Variants in SLC35F4 observed in about 807,000 individuals in gnomAD.
SLC35F4 encodes chromosome 14 open reading frame 36.
Under a neutral mutation model 44.2 loss-of-function variants are expected in SLC35F4, and 24 were observed. The ratio of observed to expected loss-of-function variants is 0.54; its 90% CI spans 0.39 to 0.76. The LOEUF (loss-of-function observed/expected upper bound fraction) is 0.76, where lower values mean the gene tolerates loss of function less well. Among genes scored for constraint, SLC35F4 ranks in the 30% least tolerant of loss-of-function variants. The pLI is 0.00. For missense variants in SLC35F4, 562 were observed against 586.1 expected (o/e 0.96, Z 0.42); for synonymous variants, 238 against 223.6 (o/e 1.06, Z -0.57).
chr14:57,944,907 T>C (rs1889995114), intron 1 of SLC35F4, among the ~76,000 whole-genome samples: 2 of 152,326 alleles, frequency 1.3e-5, no homozygotes, highest in South Asian at 4.1e-4. Context: ...GCACAAAGGC[T>C]GTACAACCTT....
At chr14:57,873,994 A>C (rs1888345526) in intron 1 of SLC35F4, among the ~76,000 whole-genome samples, 2 of 152,230 alleles carry the variant, frequency 1.3e-5, no homozygotes, top group Admixed American at 1.3e-4. Context: ...GTTTTGTAAA[A>C]TCTCAAAGTA....
chr14:57,805,782 T>C (rs529679901), intron 1 of SLC35F4, among the ~76,000 whole-genome samples: 8 of 152,278 alleles, frequency 5.3e-5, no homozygotes, highest in Admixed American at 2.0e-4. Flanking sequence ...AACTTGAAAG[T>C]TGAAGAAAAC....
chr14:57,746,998 G>T (rs1035227988), intron 1 of SLC35F4, among the ~76,000 whole-genome samples: 9 of 152,118 alleles, frequency 5.9e-5, no homozygotes, highest in Non-Finnish European at 1.0e-4. Flanking sequence ...AAGCACAGAA[G>T]TTTTTGAGAT....
chr14:57,665,875 G>A (rs868710248), intron 1 of SLC35F4, among the ~76,000 whole-genome samples: 13 of 152,132 alleles, frequency 8.5e-5, no homozygotes, highest in African/African-American at 3.1e-4. Context: ...AATTAGCACA[G>A]GAACAGAAAA....
At chr14:57,727,314 A>T (rs1092026) in intron 1 of SLC35F4, among the ~76,000 whole-genome samples, 140,897 of 151,924 alleles carry the variant, frequency 0.93, 65,805 homozygotes, top group Non-Finnish European at 1. Flanking sequence ...TTTTTGTTAG[A>T]CTGGCTAAAG....
At chr14:57,575,363 AC>A (rs879345047) in intron 4 of SLC35F4, among the ~76,000 whole-genome samples, 17 of 152,092 alleles carry the variant, frequency 1.1e-4, no homozygotes, top group Admixed American at 1.1e-3. Flanking sequence ...TGCCTGTAAT[AC>A]CGGCTACTCG....
chr14:57,568,437 ATAATC>A (rs138242682), intron 6 of SLC35F4, among the ~76,000 whole-genome samples: 7,420 of 152,252 alleles, frequency 0.049, 498 homozygotes, highest in African/African-American at 0.16. Flanking sequence ...TGGCCAGAAA[ATAATC>A]TAGGTGCTTT....
At chr14:57,754,054 T>C (rs1014224188) in intron 1 of SLC35F4, among the ~76,000 whole-genome samples, 2 of 149,726 alleles carry the variant, frequency 1.3e-5, no homozygotes, top group Admixed American at 6.7e-5. Context: ...CCTCTAAACA[T>C]CCTCTACACA....
intron 1 of SLC35F4, among the ~76,000 whole-genome samples, chr14:57,711,533 C>T (rs1825646738): frequency 1.3e-5 from 2 of 152,158 alleles, no homozygotes; most frequent in Non-Finnish European, 2.9e-5. Context: ...TTTAATTTGG[C>T]CCAACCTAAT....
At chr14:57,893,867 G>T (rs945053678) in intron 1 of SLC35F4, among the ~76,000 whole-genome samples, 2 of 151,192 alleles carry the variant, frequency 1.3e-5, no homozygotes, top group Non-Finnish European at 3.0e-5. Flanking sequence ...TTCAGTTTAA[G>T]TATATCACAA....
At chr14:57,632,353 C>T (rs2072820612) in intron 1 of SLC35F4, among the ~76,000 whole-genome samples, 1 of 151,244 alleles carries the variant, frequency 6.6e-6, no homozygotes, top group African/African-American at 2.4e-5. Flanking sequence ...ATCAAGCAAA[C>T]ATGTTATAAT....
chr14:57,695,259 G>T (rs1481737919), intron 1 of SLC35F4, among the ~76,000 whole-genome samples: 1 of 152,046 alleles, frequency 6.6e-6, no homozygotes, highest in East Asian at 1.9e-4. Flanking sequence ...GAAAATTTTT[G>T]CAACCTACTC....
intron 1 of SLC35F4, among the ~76,000 whole-genome samples, chr14:57,793,913 T>C (rs117069353): frequency 2.0e-5 from 3 of 152,156 alleles, no homozygotes; most frequent in Non-Finnish European, 2.9e-5. Context: ...AGCCAAATAC[T>C]TACAACTAAC....
At chr14:57,574,317 T>G (rs2068668175) in intron 4 of SLC35F4, among the ~76,000 whole-genome samples, 1 of 152,226 alleles carries the variant, frequency 6.6e-6, no homozygotes, top group Non-Finnish European at 1.5e-5. Flanking sequence ...CATTACTCGT[T>G]ATATTCAAGT....
intron 1 of SLC35F4, among the ~76,000 whole-genome samples, chr14:57,706,898 A>C (rs2075690750): frequency 1.3e-5 from 2 of 152,210 alleles, no homozygotes; most frequent in African/African-American, 4.8e-5. Flanking sequence ...GGGCTTTGAG[A>C]AGGAGAGAGT....
chr14:57,970,273 T>C (rs1881013207), intron 1 of SLC35F4, among the ~76,000 whole-genome samples: 1 of 152,160 alleles, frequency 6.6e-6, no homozygotes, highest in African/African-American at 2.4e-5. Context: ...GAAGAGGAAA[T>C]GTAAATAAAA....
chr14:57,600,850 C>T (rs1225232945), intron 1 of SLC35F4, among the ~76,000 whole-genome samples: 2 of 151,834 alleles, frequency 1.3e-5, no homozygotes, highest in Non-Finnish European at 2.9e-5. Flanking sequence ...TTATTGTAAT[C>T]AGTTTTGGTA....
intron 1 of SLC35F4, among the ~76,000 whole-genome samples, chr14:57,754,801 A>G (rs1771155873): frequency 6.6e-6 from 1 of 152,258 alleles, no homozygotes; most frequent in Admixed American, 6.5e-5. Context: ...TTCTGGTCAG[A>G]GGAAACCAGG....
intron 3 of SLC35F4, among the ~76,000 whole-genome samples, 180 bp downstream of exon 3, chr14:57,589,036 T>C (rs527278340): frequency 6.6e-6 from 1 of 152,314 alleles, no homozygotes; most frequent in East Asian, 1.9e-4. Context: ...TGGCATGTTA[T>C]AGACACATTT....
Sources: gnomAD v4.1 joint callset for allele counts (sites outside exome capture counted in the v4.1 genomes callset) on GRCh38, gnomAD v4.1.1 for gene constraint, MANE v1.5 for transcripts, NCBI Gene and HGNC (gene_info 2026-07-23, HGNC 2026-07-21) for gene names.